The following LRRC41 variants were observed in gnomAD, a reference collection of about 807,000 sequenced individuals.
LRRC41 encodes leucine-rich repeat-containing protein 41.
A neutral mutation model predicts 72.1 loss-of-function variants in LRRC41; 17 were observed. The observed-to-expected ratio is 0.24, with a 90% CI of 0.16 to 0.35. LRRC41 has a LOEUF of 0.35. Ranked by LOEUF, LRRC41 falls within the 10% of genes least tolerant of loss-of-function variation. The pLI is 1.00. For synonymous variants in LRRC41, 427 were observed against 431.0 expected (o/e 0.99, Z 0.11); for missense variants, 759 against 1,065.0 (o/e 0.71, Z 4.00).
intron 3 of LRRC41, among the ~76,000 whole-genome samples, chr1:46,289,239 T>C (rs1040071183): frequency 2.8e-4 from 43 of 152,224 alleles, no homozygotes; most frequent in Non-Finnish European, 6.0e-4. Context: ...AGCAGACTGC[T>C]TCAACCTGAA....
At chr1:46,292,032 G>A (rs1661029859) in intron 3 of LRRC41, among the ~76,000 whole-genome samples, 1 of 151,930 alleles carries the variant, frequency 6.6e-6, no homozygotes, top group African/African-American at 2.4e-5. Context: ...AATTATTGCA[G>A]GCCGGCCACA....
intron 3 of LRRC41, among the ~76,000 whole-genome samples, chr1:46,294,564 CTTGTGCCTTT>C (rs1557717873): frequency 5.2e-4 from 76 of 146,638 alleles, no homozygotes; most frequent in Admixed American, 1.3e-3. Context: ...GTACCCGACT[CTTGTGCCTTT>C]ACTTTTTACA....
At chr1:46,298,248 A>C in intron 2 of LRRC41, 36 bp downstream of exon 2, 1 of 1,411,562 alleles carries the variant, frequency 7.1e-7, no homozygotes, top group Non-Finnish European at 9.9e-7. Context: ...CCTTGCTCAT[A>C]ATCATTGACT....
In LRRC41 at chr1:46,285,666, C is replaced by G; in HGVS notation, c.1191G>C (p.Lys397Asn). 6.2e-7 allele frequency: 1 copy of G among 1,614,150 alleles called. No individual in the cohort carries two copies. Among genetic ancestry groups the G allele is most frequent in the South Asian group, 1.1e-5 (1 of 91,068 alleles). The change falls in exon 4 of 10, where the codon AAG becomes AAC. Residue 397 changes from lysine (K) to asparagine (N), a missense_variant. Around this residue, in one of 4 missense-constraint regions of LRRC41, gnomAD observed 427 missense variants for 520.9 expected, o/e 0.82. Transcript: ENST00000617190. This position sits in a 1 kb window ranked among gnomAD's most constrained non-coding sequence, Gnocchi z 5.3. ...PLKRFKRAAG[K>N]KGARTRQGPG... ...GCCCCTGACGGGTGCGAGCACCCTTCTTCCCTGCAGCTCGCTTGAAACGCT... is the reference window on the plus strand; with the variant it reads ...GCCCCTGACGGGTGCGAGCACCCTTGTTCCCTGCAGCTCGCTTGAAACGCT...
intron 1 of LRRC41, chr1:46,300,476 G>A (rs547366836): frequency 2.6e-5 from 4 of 152,070 alleles, no homozygotes; most frequent in Admixed American, 1.3e-4. Flanking sequence ...CTCGATGTAC[G>A]GGCTGAATGA....
Position 46,278,031 on chromosome 1 carries a change from A to G in LRRC41, c.*834T>C, listed in dbSNP as rs751323520. On this transcript the variant is annotated 3_prime_UTR_variant, in exon 10 of 10. Transcript: ENST00000617190. ...TCTAAGCTACCCACACAGTAGGGAG[A>G]TGGGATCTGTAGTGACTTCAGCTGT... 6.2e-7 allele frequency: 1 copy of G among 1,614,042 alleles called. No homozygotes were observed. The highest frequency in any genetic ancestry group is 1.1e-5 in the South Asian group (1 of 91,078).
Position 46,277,763 on chromosome 1 carries a change from A to G in LRRC41, c.*1102T>C, listed in dbSNP as rs1266167405. On this transcript the variant is annotated 3_prime_UTR_variant, in exon 10 of 10. Coordinates refer to ENST00000617190, the MANE Select transcript of LRRC41 (RefSeq NM_006369.5). ...CCTTTGGTTTTCCTGCTCCCTTTTT[A>G]TGAGGATGGCTAAGCGCTGTATCTT... 3.2e-6 allele frequency: 5 copies of G among 1,540,488 alleles called. No homozygotes were observed. In the East Asian group the frequency reaches 9.0e-5, roughly 28 times the overall value.
intron 1 of LRRC41, chr1:46,301,973 A>G (rs1015850747): frequency 2.0e-6 from 2 of 985,304 alleles, no homozygotes; most frequent in African/African-American, 3.5e-5. Flanking sequence ...TGCTTGGCAG[A>G]GCCTCACTTT....
chr1:46,280,987 A>G (rs533002373), intron 5 of LRRC41, 138 bp downstream of exon 5: 20 of 1,220,292 alleles, frequency 1.6e-5, no homozygotes, highest in Non-Finnish European at 2.3e-5. Flanking sequence ...GGTAGGCTCT[A>G]AAGGGGGGAT....
intron 3 of LRRC41, among the ~76,000 whole-genome samples, chr1:46,291,892 G>A (rs1661026674): frequency 6.7e-6 from 1 of 149,534 alleles, no homozygotes; most frequent in African/African-American, 2.5e-5. Flanking sequence ...GTCTCTGTCA[G>A]CCAGGCTGGA....
rs1315950267 is a variant in LRRC41 at position 46,303,297 on chromosome 1, G to A, written c.26C>T (p.Ala9Val). ...TACCTCACAGAACCAGCAACTCCGG[G>A]CGCGCCAGGCCTCGGGCGCCGCCAT... MAAPEAWRARSCWFCEVAA... is the reference protein window; with the variant it reads MAAPEAWRVRSCWFCEVAA... Residue 9 changes from alanine (A) to valine (V), a missense_variant, in exon 1 of 10, where the codon GCC becomes GTC. Around this residue, in one of 4 missense-constraint regions of LRRC41, gnomAD observed 106 missense variants for 66.1 expected, o/e 1.60. Coordinates refer to ENST00000617190, the MANE Select transcript of LRRC41 (RefSeq NM_006369.5). 13 of 1,538,160 alleles carry A rather than the reference G, an allele frequency of 8.5e-6. No homozygotes were observed. The highest frequency in any genetic ancestry group is 1.1e-5 in the Non-Finnish European group (13 of 1,143,100).
At chr1:46,282,605 C>A (rs900119897) in intron 4 of LRRC41, among the ~76,000 whole-genome samples, 2 of 152,048 alleles carry the variant, frequency 1.3e-5, no homozygotes, top group African/African-American at 4.8e-5. Flanking sequence ...TCCTAAAGAA[C>A]ATAAAGGGGA....
intron 4 of LRRC41, chr1:46,284,342 T>A (rs1328864381): frequency 6.6e-6 from 1 of 152,196 alleles, no homozygotes; most frequent in Non-Finnish European, 1.5e-5. Flanking sequence ...GAATCCTAGC[T>A]CTATAATTGC....
intron 3 of LRRC41, 62 bp downstream of exon 3, chr1:46,297,501 G>T: frequency 7.5e-7 from 1 of 1,331,344 alleles, no homozygotes; most frequent in Non-Finnish European, 1.1e-6. Flanking sequence ...TTGTGTTTGT[G>T]TGCTATTCCT....
Position 46,303,300 on chromosome 1 carries a change from C to T in LRRC41, c.23G>A (p.Arg8His). Residue 8 changes from arginine (R) to histidine (H), a missense_variant, in exon 1 of 10, where the codon CGC becomes CAC. Arg to His is a conservative substitution (Grantham distance 29). Coordinates refer to ENST00000617190, the MANE Select transcript of LRRC41 (RefSeq NM_006369.5). MAAPEAW[R>H]ARSCWFCEVA... ...CTCACAGAACCAGCAACTCCGGGCG[C>T]GCCAGGCCTCGGGCGCCGCCATCTT... 2.0e-6 allele frequency: 3 copies of T among 1,534,270 alleles called. No individual in the cohort carries two copies. Among genetic ancestry groups the T allele is most frequent in the East Asian group, 5.0e-5 (2 of 40,226 alleles).
intron 4 of LRRC41, among the ~76,000 whole-genome samples, chr1:46,281,945 G>T (rs747678364): frequency 6.6e-6 from 1 of 152,262 alleles, no homozygotes; most frequent in East Asian, 1.9e-4. Flanking sequence ...TGGGCTGGGT[G>T]GCACATGCCT....
At chr1:46,280,329 C>T in intron 6 of LRRC41, 39 bp from the exon 7 acceptor site, 1 of 1,612,426 alleles carries the variant, frequency 6.2e-7, no homozygotes, top group South Asian at 1.1e-5. Context: ...TGGACCTTAG[C>T]TTTCCTAGAG....
chr1:46,303,185 C>A lies in LRRC41; in HGVS notation c.138G>T (p.Leu46=). Reference sequence around the variant, plus strand: ...TCACCGCCCGCCCGCACAGCTCGAACAGGGCGGGGGGAGCGTTGGGGCCCG... The same window carrying A: ...TCACCGCCCGCCCGCACAGCTCGAAAAGGGCGGGGGGAGCGTTGGGGCCCG... The part of the protein sequence containing the change: ...SASGPNAPPA[L]FELCGRAVSA... Residue 46 remains leucine (L), a synonymous_variant, in exon 1 of 10, where the codon CTG becomes CTT. Coordinates refer to ENST00000617190, the MANE Select transcript of LRRC41 (RefSeq NM_006369.5). 4.5e-6 allele frequency: 7 copies of A among 1,568,168 alleles called. No homozygotes were observed. Among genetic ancestry groups the A allele is most frequent in the Non-Finnish European group, 5.2e-6 (6 of 1,162,916 alleles).
intron 4 of LRRC41, among the ~76,000 whole-genome samples, chr1:46,281,701 C>T (rs142561216): frequency 6.6e-6 from 1 of 152,212 alleles, no homozygotes; most frequent in African/African-American, 2.4e-5. Flanking sequence ...TAGCAGTTCT[C>T]TGGATTTCTG....
Sources: gnomAD v4.1 joint callset for allele counts (sites outside exome capture counted in the v4.1 genomes callset) on GRCh38, gnomAD v4.1.1 for gene constraint, gnomAD v4.1.1 regional missense constraint, Gnocchi (gnomAD v3.1) non-coding constraint, MANE v1.5 for transcripts, NCBI Gene and HGNC (gene_info 2026-07-23, HGNC 2026-07-21) for gene names.